ARID5A: variants seen among roughly 807,000 people sequenced by gnomAD.
ARID5A encodes the protein AT-rich interaction domain 5A, also known as AT-rich interactive domain-containing protein 5A.
ARID5A carries 14 observed loss-of-function variants against 30.5 expected under a neutral mutation model. The observed-to-expected ratio is 0.46, with a 90% CI of 0.30 to 0.72. The LOEUF is 0.72. Among genes scored for constraint, ARID5A ranks in the 30% least tolerant of loss-of-function variants. The probability of loss-of-function intolerance (pLI) is 0.07; values close to 1 mark genes in which losing one functional copy is unlikely to be tolerated. For synonymous variants in ARID5A, 338 were observed against 340.4 expected (o/e 0.99, Z 0.08); for missense variants, 669 against 786.2 (o/e 0.85, Z 1.78).
chr2:96,543,936 G>T (rs2065884871), intron 1 of ARID5A, among the ~76,000 whole-genome samples: 2 of 152,218 alleles, frequency 1.3e-5, no homozygotes, highest in Admixed American at 6.5e-5. Context: ...AATCAGAAGT[G>T]CTATTCCAGT....
Position 96,552,479 on chromosome 2 carries a change from G to GT in ARID5A, c.*169dup. On this transcript the variant is annotated 3_prime_UTR_variant, in exon 7 of 7. Coordinates refer to ENST00000357485, the MANE Select transcript of ARID5A (RefSeq NM_212481.3). ...AAGAAGAAGGCAGTGGGAAAACTGG[G>GT]TTTATCTCAAGGCAGCAGCCTGAGC... 1 of 1,538,308 alleles carries GT rather than the reference G, an allele frequency of 6.5e-7. No homozygotes were observed. The highest frequency in any genetic ancestry group is 1.2e-5 in the South Asian group (1 of 83,520).
chr2:96,543,753 G>A (rs796872470), intron 1 of ARID5A, among the ~76,000 whole-genome samples: 24 of 152,216 alleles, frequency 1.6e-4, no homozygotes, highest in African/African-American at 5.8e-4. Context: ...TCCTACAATG[G>A]TCTTTAAGTG....
At chr2:96,544,956 C>T (rs544048867) in intron 1 of ARID5A, among the ~76,000 whole-genome samples, 1 of 152,062 alleles carries the variant, frequency 6.6e-6, no homozygotes, top group Non-Finnish European at 1.5e-5. Flanking sequence ...GGCTTCAAGA[C>T]TTCAGTGGAG....
rs2066024603 is a variant in ARID5A, at chr2:96,550,791, C to G, written c.570+58C>G. ...CCTTGCCTCTTGTAGCCCCCTACCC[C>G]ACAACTCCCTGTGGCCGCGGAGCTG... On this transcript the variant is annotated intron_variant, in intron 6 of 6. Transcript: ENST00000357485. This position sits in a 1 kb window ranked among gnomAD's most constrained non-coding sequence, Gnocchi z 6.6. 2.0e-6 allele frequency: 3 copies of G among 1,487,524 alleles called. No homozygotes were observed. Among genetic ancestry groups the G allele is most frequent in the Non-Finnish European group, 2.7e-6 (3 of 1,116,814 alleles). 92.1% of individuals were successfully genotyped at this position (1,487,524 alleles called of 1,614,324 possible).
At chr2:96,541,524 C>T (rs1183311513) in intron 1 of ARID5A, among the ~76,000 whole-genome samples, 2 of 152,152 alleles carry the variant, frequency 1.3e-5, no homozygotes. Context: ...TCCTTATAAG[C>T]ACTGACATTA....
intron 1 of ARID5A, among the ~76,000 whole-genome samples, chr2:96,538,541 G>A (rs1276433066): frequency 6.6e-6 from 1 of 152,154 alleles, no homozygotes; most frequent in Non-Finnish European, 1.5e-5. Context: ...GGCCCATCGC[G>A]TTTCTTCTCA....
rs2065814592 is a variant in ARID5A at position 96,539,827 on chromosome 2, A to ACAGGAG, written c.4+2999_4+3004dup. Among the ~76,000 whole-genome samples, 1 of 152,038 alleles carries ACAGGAG rather than the reference A, an allele frequency of 6.6e-6. No homozygotes were observed. The highest frequency in any genetic ancestry group is 1.5e-5 in the Non-Finnish European group (1 of 68,018). On this transcript the variant is annotated intron_variant, in intron 1 of 6. Coordinates refer to ENST00000357485, the MANE Select transcript of ARID5A (RefSeq NM_212481.3). This position sits in a 1 kb window ranked among gnomAD's most constrained non-coding sequence, Gnocchi z 4.7. The stretch of plus-strand genomic sequence containing the variant: ...CAGACCTGCTCTTGTTAGCAGAGTG[A>ACAGGAG]CAGGAGCGATGTGCTGGGAAACTGC...
chr2:96,551,317 C>T lies in ARID5A; in HGVS notation c.789C>T (p.Leu263=). The T allele has an allele frequency of 6.2e-7, 1 of 1,613,758 alleles. No homozygotes were observed. Among genetic ancestry groups the T allele is most frequent in the Non-Finnish European group, 8.5e-7 (1 of 1,179,996 alleles). Residue 263 remains leucine (L), a synonymous_variant, in exon 7 of 7, where the codon CTC becomes CTT. Coordinates refer to ENST00000357485, the MANE Select transcript of ARID5A (RefSeq NM_212481.3). ...GIMSPLAKKK[L]LAQVSKVEAL... is the part of the protein sequence containing the mutation. ...TGTCACCACTGGCCAAAAAGAAGCT[C>T]CTGGCCCAGGTGAGCAAGGTGGAGG...
chr2:96,551,609 G>T lies in ARID5A; in HGVS notation c.1081G>T (p.Asp361Tyr). The T allele has an allele frequency of 6.4e-7, 1 of 1,558,376 alleles. No homozygotes were observed. The highest frequency in any genetic ancestry group is 8.6e-7 in the Non-Finnish European group (1 of 1,157,374). Residue 361 changes from aspartate to tyrosine, a missense_variant, in exon 7 of 7, where the codon GAC (aspartate) becomes TAC (tyrosine). Coordinates refer to ENST00000357485, the MANE Select transcript of ARID5A (RefSeq NM_212481.3). ...GAAGCCTGTCAGCCAGCACCCCAGG[G>T]ACTTCTTCTCTAGACTTAAAGATGG... ...VLKPVSQHPRDFFSRLKDGVL... is the reference protein window; with the variant it reads ...VLKPVSQHPRYFFSRLKDGVL...
In ARID5A at chr2:96,552,101, C is replaced by T; in HGVS notation, c.1573C>T (p.Pro525Ser). The change falls in exon 7 of 7, where the codon CCC (proline) becomes TCC (serine). Residue 525 changes from proline (P) to serine (S), a missense_variant. Physicochemically the swap from Pro to Ser is moderately conservative, Grantham distance 74 (BLOSUM62 -1). This residue lies in a region of ARID5A where 548 missense variants were observed against 577.4 expected (regional missense o/e 0.95). Transcript: ENST00000357485. Reference protein sequence around the residue: ...PGPLKGQAALPFSPLVIPAFP... With the variant: ...PGPLKGQAALSFSPLVIPAFP... ...CCCCTTGAAGGGCCAGGCTGCACTC[C>T]CCTTCAGCCCCCTGGTCATCCCGGC... is the stretch of plus-strand genomic sequence containing the variant. 1 of 1,604,304 alleles carries T rather than the reference C, an allele frequency of 6.2e-7. No homozygotes were observed. Among genetic ancestry groups the T allele is most frequent in the Non-Finnish European group, 8.5e-7 (1 of 1,175,364 alleles).
rs775267535 is a variant in ARID5A, at chr2:96,551,797, G to T, written c.1269G>T (p.Lys423Asn). 2.5e-6 allele frequency: 4 copies of T among 1,571,088 alleles called. No homozygotes were observed. Among genetic ancestry groups the T allele is most frequent in the Non-Finnish European group, 2.6e-6 (3 of 1,162,138 alleles). ...CCTGCTGGGTGTCCCCCATGGCCAA[G>T]GTCCCAGCCGAGAGCCCCACGCTCC... is the stretch of plus-strand genomic sequence containing the variant. The part of the protein sequence containing the change: ...PKACWVSPMA[K>N]VPAESPTLPP... The change falls in exon 7 of 7, where the codon AAG becomes AAT. Residue 423 changes from lysine (K) to asparagine (N), a missense_variant. Around this residue, in one of 4 missense-constraint regions of ARID5A, gnomAD observed 548 missense variants for 577.4 expected, o/e 0.95. Transcript: ENST00000357485.
chr2:96,550,780 G>GC lies in ARID5A; in HGVS notation c.570+52dup. ...GCCACCCTGTCCCTTGCCTCTTGTA[G>GC]CCCCCTACCCCACAACTCCCTGTGG... On this transcript the variant is annotated intron_variant, in intron 6 of 6. Transcript: ENST00000357485. The surrounding 1 kb of genome is among the most constrained non-coding windows in gnomAD (Gnocchi z 6.6). The GC allele has an allele frequency of 6.7e-7, 1 of 1,503,506 alleles. No homozygotes were observed. Among genetic ancestry groups the GC allele is most frequent in the Non-Finnish European group, 8.9e-7 (1 of 1,123,512 alleles). 93.1% of individuals were successfully genotyped at this position (1,503,506 alleles called of 1,614,324 possible).
Position 96,550,677 on chromosome 2 carries a change from G to C in ARID5A, c.514G>C (p.Asp172His), listed in dbSNP as rs551537636. ...QYKMAKENRG[D>H]DGATERPKKA... ...CAAGATGGCTAAGGAGAACAGGGGG[G>C]ATGATGGGGCCACCGAGAGGCCGAA... Residue 172 changes from aspartate to histidine, a missense_variant, in exon 6 of 7, where the codon GAT (aspartate) becomes CAT (histidine). Coordinates refer to ENST00000357485, the MANE Select transcript of ARID5A (RefSeq NM_212481.3). The surrounding 1 kb of genome is among the most constrained non-coding windows in gnomAD (Gnocchi z 6.6). 1.9e-6 allele frequency: 3 copies of C among 1,602,110 alleles called. No homozygotes were observed. Among genetic ancestry groups the C allele is most frequent in the African/African-American group, 2.7e-5 (2 of 74,798 alleles).
Position 96,549,995 on chromosome 2 carries a change from C to A in ARID5A, c.312+190C>A. ...TTCAGCCTTCCCCATCTGTTCTGCC[C>A]GCCCCGTGTTGGGAAAACTGCTTGG... On this transcript the variant is annotated intron_variant, in intron 4 of 6. Coordinates refer to ENST00000357485, the MANE Select transcript of ARID5A (RefSeq NM_212481.3). This position sits in a 1 kb window ranked among gnomAD's most constrained non-coding sequence, Gnocchi z 6.1. 1 of 1,534,460 alleles carries A rather than the reference C, an allele frequency of 6.5e-7. No homozygotes were observed.
At position 96,552,515 on chromosome 2, in the gene ARID5A, A is replaced by T. The variant is rs1335272548; in HGVS notation, c.*202A>T. On this transcript the variant is annotated 3_prime_UTR_variant, in exon 7 of 7. Transcript: ENST00000357485. Reference sequence around the variant, plus strand: ...GGCAGCAGCCTGAGCCCAGGAGCAGAGGACCCAGTTGTTATAAGGCGCTGG... The same window carrying T: ...GGCAGCAGCCTGAGCCCAGGAGCAGTGGACCCAGTTGTTATAAGGCGCTGG... The T allele has an allele frequency of 5.2e-6, 8 of 1,533,858 alleles. 1 individual carries two copies.
intron 1 of ARID5A, among the ~76,000 whole-genome samples, chr2:96,540,888 G>T (rs1261857208): frequency 1.3e-5 from 2 of 151,652 alleles, no homozygotes; most frequent in African/African-American, 4.9e-5. Flanking sequence ...TGGGATTATT[G>T]GCGTGTGCCA....
rs753882600 is a variant in ARID5A, at chr2:96,551,814, C to G, written c.1286C>G (p.Pro429Arg). 6.3e-7 allele frequency: 1 copy of G among 1,593,566 alleles called. No homozygotes were observed. The highest frequency in any genetic ancestry group is 1.1e-5 in the South Asian group (1 of 88,560). Residue 429 changes from proline (P) to arginine (R), a missense_variant, in exon 7 of 7, where the codon CCC becomes CGC. Pro to Arg is a moderately radical substitution (Grantham distance 103). This residue lies in a region of ARID5A where 548 missense variants were observed against 577.4 expected (regional missense o/e 0.95). Transcript: ENST00000357485. ...SPMAKVPAESPTLPPTFPSSP... is the reference protein window; with the variant it reads ...SPMAKVPAESRTLPPTFPSSP... ...ATGGCCAAGGTCCCAGCCGAGAGCC[C>G]CACGCTCCCGCCCACCTTCCCCAGT...
Position 96,552,139 on chromosome 2 carries a change from C to T in ARID5A, c.1611C>T (p.His537=). The T allele has an allele frequency of 6.2e-7, 1 of 1,612,792 alleles. No individual in the cohort carries two copies. The highest frequency in any genetic ancestry group is 8.5e-7 in the Non-Finnish European group (1 of 1,179,824). The change falls in exon 7 of 7, where the codon CAC becomes CAT. Residue 537 remains histidine, a synonymous_variant. Transcript: ENST00000357485. ...TGGTCATCCCGGCCTTCCCGGCCCA[C>T]TTCCTGGCCACCGCAGGCCCCTCGC... The part of the protein sequence containing the change: ...SPLVIPAFPA[H]FLATAGPSPM...
At chr2:96,543,994 A>T (rs1412868230) in intron 1 of ARID5A, among the ~76,000 whole-genome samples, 2 of 152,202 alleles carry the variant, frequency 1.3e-5, no homozygotes, top group African/African-American at 4.8e-5. Context: ...TAATGGAGAA[A>T]GTTTGAGAAG....
Sources: allele counts gnomAD v4.1 joint callset (sites outside exome capture counted in the v4.1 genomes callset), GRCh38; gene constraint gnomAD v4.1.1; regional missense constraint gnomAD v4.1.1; non-coding constraint Gnocchi (gnomAD v3.1); transcripts MANE v1.5; gene names NCBI Gene and HGNC (gene_info 2026-07-23, HGNC 2026-07-21).